GRIK5: variants seen among roughly 807,000 people sequenced by gnomAD.
The protein encoded by GRIK5 is glutamate ionotropic receptor kainate type subunit 5, also known as glutamate receptor ionotropic, kainate 5.
In GRIK5, 43 loss-of-function variants were observed where a neutral mutation model predicts 97.4. The observed-to-expected ratio is 0.44, with a 90% CI of 0.35 to 0.57. GRIK5 has a LOEUF of 0.57. Among genes scored for constraint, GRIK5 ranks in the 20% least tolerant of loss-of-function variants. The probability of loss-of-function intolerance (pLI) is 0.01; values close to 1 mark genes in which losing one functional copy is unlikely to be tolerated. For synonymous variants in GRIK5, 580 were observed against 583.5 expected, an observed-to-expected ratio of 0.99 and a Z score of 0.09; for missense variants, 1,015 against 1,382.0, an observed-to-expected ratio of 0.73 and a Z score of 4.21.
chr19:42,034,983 A>G (rs2075884726), intron 12 of GRIK5, among the ~76,000 whole-genome samples: 1 of 152,084 alleles, frequency 6.6e-6, no homozygotes, highest in Non-Finnish European at 1.5e-5. Context: ...GACTAAATGT[A>G]GCTGGTTTGT....
chr19:42,011,087 G>A (rs1033857304), intron 15 of GRIK5, among the ~76,000 whole-genome samples: 3 of 151,528 alleles, frequency 2.0e-5, no homozygotes, highest in Admixed American at 2.0e-4. Flanking sequence ...GATTACAGGC[G>A]TGAGCACCAC....
intron 5 of GRIK5, among the ~76,000 whole-genome samples, chr19:42,061,245 C>T (rs1203874397): frequency 6.6e-6 from 1 of 152,216 alleles, no homozygotes. Flanking sequence ...GACGGGGTTT[C>T]ACCATTCACA....
rs1474345970 is a variant in GRIK5, at chr19:42,006,984, T to A, written c.1872-174A>T. 1.3e-5 allele frequency among the ~76,000 whole-genome samples: 2 copies of A among 152,134 alleles called. No homozygotes were observed. Among genetic ancestry groups the A allele is most frequent in the African/African-American group, 4.8e-5 (2 of 41,416 alleles). On this transcript the variant is annotated intron_variant, in intron 15 of 19. Coordinates refer to ENST00000593562, the MANE Select transcript of GRIK5 (RefSeq NM_002088.5). This position sits in a 1 kb window ranked among gnomAD's most constrained non-coding sequence, Gnocchi z 5.3. Reference sequence around the variant, plus strand: ...ATTCTGAAGCCAGACTTCCTGGTTGTAAATATTGCATCCGGAGACTTCTAC... The same window carrying A: ...ATTCTGAAGCCAGACTTCCTGGTTGAAAATATTGCATCCGGAGACTTCTAC...
At chr19:42,037,175 A>G (rs2075916334) in intron 12 of GRIK5, among the ~76,000 whole-genome samples, 1 of 152,150 alleles carries the variant, frequency 6.6e-6, no homozygotes, top group Non-Finnish European at 1.5e-5. Context: ...CTTAAAACTC[A>G]CTGGCTGGGT....
chr19:42,007,769 G>A (rs2075510699), intron 15 of GRIK5, among the ~76,000 whole-genome samples: 1 of 152,130 alleles, frequency 6.6e-6, no homozygotes, highest in Admixed American at 6.5e-5. Context: ...AGGGCTGAGA[G>A]TCTTTTGAGC....
Position 42,059,343 on chromosome 19 carries a change from C to T in GRIK5, c.687+6G>A, listed in dbSNP as rs771232352. On this transcript the variant is annotated splice_donor_region_variant and intron_variant, in intron 6 of 19. Coordinates refer to ENST00000593562, the MANE Select transcript of GRIK5 (RefSeq NM_002088.5). ...TCCTTTGGGAAATCAGAGGTAGGGG[C>T]CTCACCTTACGGAGGATGAGGTGGG... 1 of 1,607,040 alleles carries T rather than the reference C, an allele frequency of 6.2e-7. No individual in the cohort carries two copies. The highest frequency in any genetic ancestry group is 8.5e-7 in the Non-Finnish European group (1 of 1,174,182).
At chr19:42,041,442 C>T (rs2075976310) in intron 12 of GRIK5, among the ~76,000 whole-genome samples, 2 of 152,190 alleles carry the variant, frequency 1.3e-5, no homozygotes, top group Admixed American at 6.5e-5. Flanking sequence ...CCAGTATCTG[C>T]CAAGCGATGT....
chr19:42,012,602 G>A (rs902020959), intron 15 of GRIK5, among the ~76,000 whole-genome samples: 3 of 152,060 alleles, frequency 2.0e-5, no homozygotes, highest in Non-Finnish European at 2.9e-5. Context: ...CAGGCTGGGC[G>A]CAGTGGTTCA....
chr19:41,999,421 G>A lies in GRIK5; in HGVS notation c.2515-122C>T, dbSNP rs2075407359. ...CCGGGTCTTTCTTCCTTCTGCCCTCGCTTCCCTTCCCACTTCTCTTCCCTT... is the reference window on the plus strand; with the variant it reads ...CCGGGTCTTTCTTCCTTCTGCCCTCACTTCCCTTCCCACTTCTCTTCCCTT... On this transcript the variant is annotated intron_variant, in intron 19 of 19. Transcript: ENST00000593562. This position sits in a 1 kb window ranked among gnomAD's most constrained non-coding sequence, Gnocchi z 5.0. 5.6e-6 allele frequency: 4 copies of A among 719,456 alleles called. No individual in the cohort carries two copies. The highest frequency in any genetic ancestry group is 1.9e-5 in the African/African-American group (1 of 51,408). The allele number at this position is 719,456 out of a possible 1,614,324, so 44.6% of individuals were successfully genotyped here.
intron 6 of GRIK5, among the ~76,000 whole-genome samples, 182 bp from the exon 7 acceptor site, chr19:42,057,160 G>A (rs1308752979): frequency 6.6e-6 from 1 of 152,124 alleles, no homozygotes; most frequent in African/African-American, 2.4e-5. Context: ...GACAAGTGGG[G>A]GCATAGGGAG....
Position 42,042,980 on chromosome 19 carries a change from C to T in GRIK5, c.1270-225G>A. On this transcript the variant is annotated intron_variant, in intron 11 of 19. Coordinates refer to ENST00000593562, the MANE Select transcript of GRIK5 (RefSeq NM_002088.5). This position sits in a 1 kb window ranked among gnomAD's most constrained non-coding sequence, Gnocchi z 6.9. ...CCAGTTCCTAGCAGATTGCAGGGAG[C>T]CATTTTAATCTTCAGCAGCCAACCT... 1.8e-6 allele frequency: 1 copy of T among 570,292 alleles called. No homozygotes were observed. The highest frequency in any genetic ancestry group is 3.3e-5 in the Admixed American group (1 of 30,410). The allele number at this position is 570,292 out of a possible 1,614,324, so 35.3% of individuals were successfully genotyped here.
intron 11 of GRIK5, among the ~76,000 whole-genome samples, chr19:42,043,764 A>G (rs568823093): frequency 2.6e-5 from 4 of 152,228 alleles, no homozygotes; most frequent in South Asian, 2.1e-4. Flanking sequence ...TCTCCTGGTT[A>G]TAAATGTTAG....
At chr19:42,027,413 G>A (rs2075785434) in intron 12 of GRIK5, among the ~76,000 whole-genome samples, 1 of 152,226 alleles carries the variant, frequency 6.6e-6, no homozygotes, top group Non-Finnish European at 1.5e-5. Context: ...GAGACTTGCA[G>A]CATCCAGCAA....
chr19:42,032,127 A>T (rs2075847422), intron 12 of GRIK5, among the ~76,000 whole-genome samples: 1 of 152,238 alleles, frequency 6.6e-6, no homozygotes, highest in Non-Finnish European at 1.5e-5. Context: ...AATAAAAAAA[A>T]GATGTTTGTT....
Position 42,053,815 on chromosome 19 carries a change from G to T in GRIK5, c.1161+10C>A, listed in dbSNP as rs759529042. 1 of 1,600,730 alleles carries T rather than the reference G, an allele frequency of 6.2e-7. No individual in the cohort carries two copies. The highest frequency in any genetic ancestry group is 1.7e-5 in the Admixed American group (1 of 59,984). ...CAGCAGGGCTCTGGCGTCACCCTGG[G>T]TCTGCTCACCTCACGGTGGCCCTGC... On this transcript the variant is annotated intron_variant, in intron 10 of 19. Transcript: ENST00000593562.
In GRIK5 at chr19:42,003,231, C is replaced by CCCCA; in HGVS notation, c.2514+97_2514+100dup. The CCCCA allele has an allele frequency of 9.0e-7, 1 of 1,108,940 alleles. No individual in the cohort carries two copies. The allele number at this position is 1,108,940 out of a possible 1,614,324, so 68.7% of individuals were successfully genotyped here. A position where few individuals can be genotyped will look rare whatever the true frequency, so the allele number is the denominator to read the frequency against. On this transcript the variant is annotated intron_variant, in intron 19 of 19. Transcript: ENST00000593562. The surrounding 1 kb of genome is among the most constrained non-coding windows in gnomAD (Gnocchi z 4.2). The stretch of plus-strand genomic sequence containing the variant: ...CATTCCTCTGCCCCCTTCTCGCGAT[C>CCCCA]CCCACCACCCTCCAGGTATGGCTCC...
chr19:42,004,440 C>T (rs939968370), intron 17 of GRIK5, among the ~76,000 whole-genome samples: 3 of 152,170 alleles, frequency 2.0e-5, no homozygotes, highest in Non-Finnish European at 2.9e-5. Flanking sequence ...TACCACAGAA[C>T]CAGAGACACG....
chr19:42,008,164 C>A (rs949818603), intron 15 of GRIK5, among the ~76,000 whole-genome samples: 1 of 152,034 alleles, frequency 6.6e-6, no homozygotes, highest in Non-Finnish European at 1.5e-5. Context: ...ATTACAGGCA[C>A]CTGCCAGCAC....
chr19:42,011,402 A>T (rs1297819390), intron 15 of GRIK5, among the ~76,000 whole-genome samples: 1 of 151,618 alleles, frequency 6.6e-6, no homozygotes, highest in Non-Finnish European at 1.5e-5. Flanking sequence ...AATACAAAAA[A>T]ATTAGCCAGG....
Sources: gnomAD v4.1 joint callset for allele counts (sites outside exome capture counted in the v4.1 genomes callset) on GRCh38, gnomAD v4.1.1 for gene constraint, Gnocchi (gnomAD v3.1) non-coding constraint, MANE v1.5 for transcripts, NCBI Gene and HGNC (gene_info 2026-07-23, HGNC 2026-07-21) for gene names.